Variants in MID1 observed in about 807,000 individuals in gnomAD.
MID1 encodes midline 1.
In MID1, 7 loss-of-function variants were observed where a neutral mutation model predicts 40.4. The ratio of observed to expected loss-of-function variants is 0.17; its 90% CI spans 0.10 to 0.33. The LOEUF (loss-of-function observed/expected upper bound fraction) is 0.33, where lower values mean the gene tolerates loss of function less well. MID1 is among the 10% of genes least tolerant of loss of function. The pLI is 1.00. For synonymous variants in MID1, 229 were observed against 221.2 expected (o/e 1.04, Z -0.31); for missense variants, 367 against 558.5 (o/e 0.66, Z 3.46).
At chrX:10,568,234 A>G (rs755438486) in intron 1 of MID1, among the ~76,000 whole-genome samples, 1 of 112,106 alleles carries the variant, frequency 8.9e-6, no homozygotes, top group East Asian at 2.8e-4. Flanking sequence ...GACTTTCACA[A>G]AGATGATTGT....
At chrX:10,708,726 G>T (rs1322890636) in intron 1 of MID1, among the ~76,000 whole-genome samples, 1 of 111,596 alleles carries the variant, frequency 9.0e-6, no homozygotes, top group African/African-American at 3.3e-5. Flanking sequence ...GAAACAGAGG[G>T]TCCACACTGG....
At chrX:10,803,818 A>G (rs1017159865) in intron 1 of MID1, among the ~76,000 whole-genome samples, 2 of 111,648 alleles carry the variant, frequency 1.8e-5, no homozygotes, top group Non-Finnish European at 3.8e-5. Context: ...CTCAGTCATT[A>G]TTATTTCAAA....
chrX:10,581,534 G>A (rs1935019684), intron 1 of MID1, among the ~76,000 whole-genome samples: 1 of 111,609 alleles, frequency 9.0e-6, no homozygotes, highest in Admixed American at 9.5e-5. Flanking sequence ...GGGTGGTAGG[G>A]GATGGGGGAT....
intron 1 of MID1, among the ~76,000 whole-genome samples, chrX:10,602,803 T>C (rs1935556312): frequency 8.9e-6 from 1 of 112,310 alleles, no homozygotes; most frequent in South Asian, 3.7e-4. Context: ...GGCATCATTC[T>C]GCCACCACAT....
At chrX:10,749,858 C>G (rs771472482) in intron 1 of MID1, among the ~76,000 whole-genome samples, 1 of 111,564 alleles carries the variant, frequency 9.0e-6, no homozygotes, top group Non-Finnish European at 1.9e-5. Context: ...GAGAAGTCCA[C>G]CCTCATGATC....
chrX:10,790,192 G>C (rs1056928325), intron 1 of MID1, among the ~76,000 whole-genome samples: 2 of 107,585 alleles, frequency 1.9e-5, no homozygotes, highest in African/African-American at 6.9e-5. Flanking sequence ...CTTTTCTTTT[G>C]AGATGGGGTC....
chrX:10,543,226 C>G, intron 2 of MID1, among the ~76,000 whole-genome samples: 1 of 112,162 alleles, frequency 8.9e-6, no homozygotes, highest in Non-Finnish European at 1.9e-5. Flanking sequence ...TTATCTGATT[C>G]CAAAACACTT....
rs1231900843 is a variant in MID1, at chrX:10,449,461, A to G, written c.1911T>C (p.Val637=). The G allele has an allele frequency of 1.7e-6, 2 of 1,211,946 alleles. No homozygotes were observed. Among genetic ancestry groups the G allele is most frequent in the Non-Finnish European group, 2.2e-6 (2 of 895,531 alleles). Residue 637 remains valine (V), a synonymous_variant, in exon 10 of 10, where the codon GTT becomes GTC. Transcript: ENST00000317552. ...TGTTCCACACGGTGAAGGTGGGGCAAACAGGCTGCGCAAATGCGACGTCGA... is the reference window on the plus strand; with the variant it reads ...TGTTCCACACGGTGAAGGTGGGGCAGACAGGCTGCGCAAATGCGACGTCGA... ...YTFDVAFAQP[V]CPTFTVWNKC... is the part of the protein sequence containing the mutation.
chrX:10,450,106 G>A (rs902300567), intron 9 of MID1, among the ~76,000 whole-genome samples: 1 of 112,280 alleles, frequency 8.9e-6, no homozygotes, highest in African/African-American at 3.2e-5. Flanking sequence ...TCCTCGATAT[G>A]GTAACCACAA....
At chrX:10,759,513 C>T (rs1232398887) in intron 1 of MID1, among the ~76,000 whole-genome samples, 1 of 111,031 alleles carries the variant, frequency 9.0e-6, no homozygotes, top group Non-Finnish European at 1.9e-5. Context: ...CTTTGTGATG[C>T]CACTTTCAGC....
chrX:10,534,702 T>G (rs937829850), intron 2 of MID1, among the ~76,000 whole-genome samples: 1 of 111,539 alleles, frequency 9.0e-6, no homozygotes, highest in African/African-American at 3.3e-5. Flanking sequence ...CCCACATGTG[T>G]GGTACAAAAA....
intron 9 of MID1, among the ~76,000 whole-genome samples, 183 bp downstream of exon 9, chrX:10,454,687 T>C (rs765812942): frequency 8.9e-6 from 1 of 111,881 alleles, no homozygotes; most frequent in Non-Finnish European, 1.9e-5. Flanking sequence ...TAATATATGG[T>C]TGTTGTTTGA....
intron 2 of MID1, among the ~76,000 whole-genome samples, chrX:10,565,912 T>C (rs1025087968): frequency 9.3e-6 from 1 of 107,969 alleles, no homozygotes; most frequent in Non-Finnish European, 1.9e-5. Flanking sequence ...CAGGGTCAAG[T>C]GATTCTCCTG....
chrX:10,745,962 T>C (rs1209614227), intron 1 of MID1, among the ~76,000 whole-genome samples: 1 of 112,146 alleles, frequency 8.9e-6, no homozygotes, highest in Non-Finnish European at 1.9e-5. Context: ...TCAGAGTCTG[T>C]TCACCGAAAC....
intron 3 of MID1, among the ~76,000 whole-genome samples, chrX:10,505,035 T>G (rs1225138485): frequency 2.7e-5 from 3 of 112,082 alleles, no homozygotes; most frequent in Non-Finnish European, 3.8e-5. Context: ...TGAATTTCTG[T>G]GAGAATGTTT....
intron 1 of MID1, among the ~76,000 whole-genome samples, chrX:10,610,328 C>T (rs1477142899): frequency 8.9e-6 from 1 of 112,267 alleles, no homozygotes; most frequent in African/African-American, 3.2e-5. Flanking sequence ...GATACATCCG[C>T]CCCATACAAA....
intron 1 of MID1, among the ~76,000 whole-genome samples, chrX:10,714,803 G>A (rs2043290010): frequency 9.0e-6 from 1 of 111,400 alleles, no homozygotes; most frequent in South Asian, 3.8e-4. Context: ...GTTAACATAA[G>A]GGAACAATAT....
chrX:10,790,816 C>G (rs1021827312), intron 1 of MID1, among the ~76,000 whole-genome samples: 7 of 112,130 alleles, frequency 6.2e-5, no homozygotes, highest in Non-Finnish European at 1.3e-4. Flanking sequence ...ATCAGTTTTT[C>G]TTCATATAGA....
intron 2 of MID1, among the ~76,000 whole-genome samples, chrX:10,542,544 C>T (rs1056736557): frequency 8.9e-6 from 1 of 111,966 alleles, no homozygotes; most frequent in African/African-American, 3.2e-5. Context: ...GGACTTGAAC[C>T]TTTACTGTTC....
Sources: allele counts gnomAD v4.1 joint callset (sites outside exome capture counted in the v4.1 genomes callset), GRCh38; gene constraint gnomAD v4.1.1; transcripts MANE v1.5; gene names NCBI Gene and HGNC (gene_info 2026-07-23, HGNC 2026-07-21).